PDGFC: variants seen among roughly 807,000 people sequenced by gnomAD.
The protein encoded by PDGFC is platelet derived growth factor C, also known as platelet-derived growth factor C.
Under a neutral mutation model 35.5 loss-of-function variants are expected in PDGFC, and 12 were observed. That is an observed-to-expected ratio of 0.34 (90% CI 0.22 to 0.55). The LOEUF is 0.55. PDGFC is among the 20% of genes least tolerant of loss of function. The probability of loss-of-function intolerance (pLI) is 0.91; values close to 1 mark genes in which losing one functional copy is unlikely to be tolerated. For synonymous variants in PDGFC, 159 were observed against 148.8 expected (o/e 1.07, Z -0.50); for missense variants, 322 against 412.4 (o/e 0.78, Z 1.90).
intron 3 of PDGFC, 75 bp downstream of exon 3, chr4:156,810,762 T>G: frequency 2.2e-6 from 2 of 920,268 alleles, no homozygotes; most frequent in Non-Finnish European, 3.3e-6. Flanking sequence ...CTGATTCTCA[T>G]GTGTAAGAGG....
At chr4:156,805,307 GTAGA>G (rs1731728434) in intron 3 of PDGFC, among the ~76,000 whole-genome samples, 1 of 151,970 alleles carries the variant, frequency 6.6e-6, no homozygotes, top group African/African-American at 2.4e-5. Flanking sequence ...AGACTACAGT[GTAGA>G]TAAATAGTAC....
At chr4:156,822,236 G>C (rs1732283176) in intron 2 of PDGFC, among the ~76,000 whole-genome samples, 1 of 151,610 alleles carries the variant, frequency 6.6e-6, no homozygotes. Context: ...GTGGGCGCCT[G>C]TAGTCCCAGC....
At chr4:156,865,355 A>G (rs1237700699) in intron 1 of PDGFC, among the ~76,000 whole-genome samples, 1 of 152,202 alleles carries the variant, frequency 6.6e-6, no homozygotes, top group Non-Finnish European at 1.5e-5. Flanking sequence ...ACAATCTAGG[A>G]ATTCTTTATA....
intron 1 of PDGFC, chr4:156,886,654 C>T (rs1439581864): frequency 6.6e-6 from 1 of 152,178 alleles, no homozygotes; most frequent in Non-Finnish European, 1.5e-5. Flanking sequence ...CTCATTTCCC[C>T]TAGGCTAGTG....
chr4:156,854,907 C>T (rs150743255), intron 1 of PDGFC, among the ~76,000 whole-genome samples: 12 of 151,898 alleles, frequency 7.9e-5, no homozygotes, highest in African/African-American at 1.2e-4. Context: ...TCTTAGATAA[C>T]GAGCTTGACA....
chr4:156,844,336 C>A (rs1382858207), intron 2 of PDGFC, among the ~76,000 whole-genome samples: 1 of 151,872 alleles, frequency 6.6e-6, no homozygotes, highest in Admixed American at 6.6e-5. Context: ...GATGTACAGT[C>A]TAAATTAGTA....
intron 3 of PDGFC, among the ~76,000 whole-genome samples, chr4:156,789,224 A>T (rs1000727781): frequency 6.6e-6 from 1 of 152,198 alleles, no homozygotes; most frequent in Non-Finnish European, 1.5e-5. Flanking sequence ...AGACAGAAAA[A>T]CTTATGATTC....
chr4:156,817,641 AG>A (rs1280804342), intron 2 of PDGFC, among the ~76,000 whole-genome samples: 1 of 152,188 alleles, frequency 6.6e-6, no homozygotes, highest in African/African-American at 2.4e-5. Flanking sequence ...TTAAGAAAAA[AG>A]ATGCAGTAAC....
intron 1 of PDGFC, among the ~76,000 whole-genome samples, chr4:156,936,187 A>G (rs1001443149): frequency 6.6e-6 from 1 of 152,184 alleles, no homozygotes; most frequent in African/African-American, 2.4e-5. Context: ...ATCAGTATCC[A>G]CCCAACGTCG....
intron 2 of PDGFC, among the ~76,000 whole-genome samples, chr4:156,820,713 A>G (rs1354945925): frequency 6.6e-6 from 1 of 152,224 alleles, no homozygotes; most frequent in African/African-American, 2.4e-5. Flanking sequence ...CAGAATAGTA[A>G]GAGGAGAAAA....
intron 1 of PDGFC, among the ~76,000 whole-genome samples, chr4:156,929,426 A>G (rs1480740026): frequency 6.6e-6 from 1 of 151,670 alleles, no homozygotes; most frequent in African/African-American, 2.4e-5. Context: ...TCTTATAATG[A>G]CCATTTTCAT....
At chr4:156,922,074 A>C (rs1731295813) in intron 1 of PDGFC, among the ~76,000 whole-genome samples, 1 of 152,092 alleles carries the variant, frequency 6.6e-6, no homozygotes, top group African/African-American at 2.4e-5. Flanking sequence ...AATCATTACA[A>C]TGAGGGATAT....
intron 2 of PDGFC, among the ~76,000 whole-genome samples, chr4:156,845,627 T>A (rs1729308100): frequency 6.6e-6 from 1 of 152,020 alleles, no homozygotes; most frequent in African/African-American, 2.4e-5. Flanking sequence ...AGTGGAAGTT[T>A]AATGGAGTTC....
At chr4:156,843,425 C>T (rs1729251678) in intron 2 of PDGFC, among the ~76,000 whole-genome samples, 1 of 152,190 alleles carries the variant, frequency 6.6e-6, no homozygotes, top group Non-Finnish European at 1.5e-5. Flanking sequence ...GCATGTGCTC[C>T]AGCACAGATG....
At chr4:156,834,846 G>C (rs1030918360) in intron 2 of PDGFC, among the ~76,000 whole-genome samples, 7 of 151,846 alleles carry the variant, frequency 4.6e-5, no homozygotes, top group Admixed American at 1.3e-4. Context: ...GTAGCATGTT[G>C]AATCAAAAGA....
At chr4:156,767,252 T>C (rs1012636776) in intron 5 of PDGFC, among the ~76,000 whole-genome samples, 5 of 152,050 alleles carry the variant, frequency 3.3e-5, no homozygotes, top group Admixed American at 1.3e-4. Flanking sequence ...AATAAAGAGA[T>C]GAAAGGTTAA....
At chr4:156,966,463 A>G (rs756679568) in intron 1 of PDGFC, among the ~76,000 whole-genome samples, 5 of 151,980 alleles carry the variant, frequency 3.3e-5, no homozygotes, top group East Asian at 3.9e-4. Flanking sequence ...TTTTTTTACT[A>G]TGAAATTTAT....
intron 1 of PDGFC, among the ~76,000 whole-genome samples, chr4:156,939,636 G>A (rs1406423558): frequency 6.6e-6 from 1 of 152,012 alleles, no homozygotes; most frequent in African/African-American, 2.4e-5. Context: ...TATTTAAATT[G>A]TGGCTTGTTA....
At chr4:156,854,345 C>T (rs547587278) in intron 1 of PDGFC, among the ~76,000 whole-genome samples, 3 of 151,996 alleles carry the variant, frequency 2.0e-5, no homozygotes, top group Admixed American at 6.6e-5. Flanking sequence ...AGTCATAAAG[C>T]GCATGGCTAA....
Sources: allele counts gnomAD v4.1 joint callset (sites outside exome capture counted in the v4.1 genomes callset), GRCh38; gene constraint gnomAD v4.1.1; transcripts MANE v1.5; gene names NCBI Gene and HGNC (gene_info 2026-07-23, HGNC 2026-07-21).